ZMYM6: variants seen among roughly 807,000 people sequenced by gnomAD.
The protein encoded by ZMYM6 is zinc finger MYM-type containing 6, also known as zinc finger MYM-type protein 6.
ZMYM6 carries 90 observed loss-of-function variants against 134.0 expected under a neutral mutation model. The ratio of observed to expected loss-of-function variants is 0.67; its 90% CI spans 0.57 to 0.80. The LOEUF (loss-of-function observed/expected upper bound fraction) is 0.80, where lower values mean the gene tolerates loss of function less well. ZMYM6 is among the 30% of genes least tolerant of loss of function. ZMYM6 has a pLI of 0.00. For synonymous variants in ZMYM6, 481 were observed against 524.1 expected, an observed-to-expected ratio of 0.92 and a Z score of 1.12; for missense variants, 1,362 against 1,533.9, an observed-to-expected ratio of 0.89 and a Z score of 1.87.
Position 35,006,966 on chromosome 1 carries a change from G to T in ZMYM6, c.1798C>A (p.Leu600Ile). 1 of 1,610,200 alleles carries T rather than the reference G, an allele frequency of 6.2e-7. No homozygotes were observed. The highest frequency in any genetic ancestry group is 8.5e-7 in the Non-Finnish European group (1 of 1,178,654). ...TTAATTTTACCTTTATTTTGTGGAA[G>T]ACAGTCATTCATAATTTGCTGATGA... ...FCHQQIMNDC[L>I]PQNKVNISKA... Residue 600 changes from leucine to isoleucine, a missense_variant, in exon 12 of 16, where the codon CTT becomes ATT. This residue lies in a region of ZMYM6 where 824 missense variants were observed against 940.9 expected (regional missense o/e 0.88). Coordinates refer to ENST00000357182, the MANE Select transcript of ZMYM6 (RefSeq NM_007167.4).
rs1640593520 is a variant in ZMYM6 at position 34,987,335 on chromosome 1, T to C, written c.3747A>G (p.Lys1249=). Residue 1249 remains lysine (K), a synonymous_variant, in exon 16 of 16, where the codon AAA becomes AAG. Coordinates refer to ENST00000357182, the MANE Select transcript of ZMYM6 (RefSeq NM_007167.4). ...SSDLGLQALF[K]SVSVTQFWIN... is the part of the protein sequence containing the mutation. ...TCCAAAACTGAGTTACAGACACTGA[T>C]TTAAATAGTGCTTGTAATCCTAAAT... The C allele has an allele frequency of 1.2e-6, 2 of 1,613,580 alleles. No individual in the cohort carries two copies. The highest frequency in any genetic ancestry group is 1.7e-5 in the Admixed American group (1 of 59,928).
rs755027477 is a variant in ZMYM6 at position 35,019,476 on chromosome 1, C to T, written c.305G>A (p.Gly102Asp). The change falls in exon 4 of 16, where the codon GGC (glycine) becomes GAC (aspartate). Residue 102 changes from glycine (G) to aspartate (D), a missense_variant. By Grantham distance (94) the Gly-to-Asp change is moderately conservative. Around this residue, in one of 3 missense-constraint regions of ZMYM6, gnomAD observed 503 missense variants for 520.8 expected, o/e 0.97. Coordinates refer to ENST00000357182, the MANE Select transcript of ZMYM6 (RefSeq NM_007167.4). Reference sequence around the variant, plus strand: ...TCCTGTCTTATGATATGCAGTTTGGCCCTTATAAAGCATTTTTTTACAACC... The same window carrying T: ...TCCTGTCTTATGATATGCAGTTTGGTCCTTATAAAGCATTTTTTTACAACC... ...CSGCKKMLYK[G>D]QTAYHKTGST... 1.8e-5 allele frequency: 29 copies of T among 1,613,900 alleles called. No individual in the cohort carries two copies. Among genetic ancestry groups the T allele is most frequent in the African/African-American group, 2.7e-5 (2 of 74,808 alleles).
intron 2 of ZMYM6, among the ~76,000 whole-genome samples, chr1:35,025,498 A>T (rs1007799684): frequency 6.6e-6 from 1 of 151,664 alleles, no homozygotes; most frequent in African/African-American, 2.4e-5. Flanking sequence ...AGAAAGAAAA[A>T]AAAAAGGTGG....
rs1640576691 is a variant in ZMYM6, at chr1:34,986,279, C to A, written c.*825G>T. 1 of 152,192 alleles carries A rather than the reference C, an allele frequency of 6.6e-6. No homozygotes were observed. The highest frequency in any genetic ancestry group is 1.5e-5 in the Non-Finnish European group (1 of 68,022). 9.4% of individuals were successfully genotyped at this position (152,192 alleles called of 1,614,324 possible). ...TGAGTAGTTGTGACAGTATGGCCTG[C>A]AAAGCTGAAAATATTTACTATCTGG... On this transcript the variant is annotated 3_prime_UTR_variant, in exon 16 of 16. Transcript: ENST00000357182.
At chr1:35,024,645 G>A (rs61587349) in intron 2 of ZMYM6, among the ~76,000 whole-genome samples, 36,141 of 151,956 alleles carry the variant, frequency 0.24, 10,472 homozygotes, top group African/African-American at 0.69. Flanking sequence ...CCACTTTATT[G>A]TTGATACTCA....
In ZMYM6 at chr1:35,014,907, C is replaced by T. The variant is rs778692690; in HGVS notation, c.604-19G>A. 3.7e-6 allele frequency: 6 copies of T among 1,612,308 alleles called. No homozygotes were observed. The highest frequency in any genetic ancestry group is 1.7e-5 in the Admixed American group (1 of 59,368). On this transcript the variant is annotated intron_variant, in intron 5 of 15. Transcript: ENST00000357182. ...ATCGAGTCTAGGAAATAAACACACA[C>T]ATACACACACAAAATAAGCAGAGCC...
chr1:34,992,201 G>A (rs778514467), intron 15 of ZMYM6, 33 bp downstream of exon 15: 22 of 1,613,150 alleles, frequency 1.4e-5, no homozygotes, highest in African/African-American at 2.7e-5. Flanking sequence ...CAGAAAACAA[G>A]CTTTGTACAT....
chr1:35,015,101 C>T lies in ZMYM6; in HGVS notation c.490G>A (p.Asp164Asn). 1 of 1,613,820 alleles carries T rather than the reference C, an allele frequency of 6.2e-7. No individual in the cohort carries two copies. Among genetic ancestry groups the T allele is most frequent in the African/African-American group, 1.3e-5 (1 of 75,026 alleles). ...GACAAGCATGATTGGCTGCAGAAAT[C>T]TTTGCTAGGATAGGAATTCTCAAAG... is the stretch of plus-strand genomic sequence containing the variant. ...TRFENSYPSKDFCSQSCLSSY... is the reference protein window; with the variant it reads ...TRFENSYPSKNFCSQSCLSSY... The change falls in exon 5 of 16, where the codon GAT becomes AAT. Residue 164 changes from aspartate to asparagine, a missense_variant. By Grantham distance (23) the Asp-to-Asn change is conservative. This residue lies in a region of ZMYM6 where 503 missense variants were observed against 520.8 expected (regional missense o/e 0.97). Coordinates refer to ENST00000357182, the MANE Select transcript of ZMYM6 (RefSeq NM_007167.4).
At chr1:35,001,399 C>A (rs1569757164) in intron 14 of ZMYM6, among the ~76,000 whole-genome samples, 1 of 151,062 alleles carries the variant, frequency 6.6e-6, no homozygotes, top group Non-Finnish European at 1.5e-5. Flanking sequence ...TATAGAAATA[C>A]TCCACATAGG....
At chr1:35,003,114 C>T (rs568442475) in intron 14 of ZMYM6, among the ~76,000 whole-genome samples, 115 of 144,598 alleles carry the variant, frequency 8.0e-4, no homozygotes, top group African/African-American at 3.0e-3. Flanking sequence ...CCCAGAATTT[C>T]GAGGTTGAGT....
intron 15 of ZMYM6, 124 bp from the exon 16 acceptor site, chr1:34,989,059 G>A: frequency 6.8e-7 from 1 of 1,477,046 alleles, no homozygotes; most frequent in Non-Finnish European, 8.9e-7. Context: ...GAATGCACTG[G>A]TAAAAGTTTA....
At chr1:35,012,327 T>G in intron 7 of ZMYM6, 104 bp downstream of exon 7, 1 of 1,091,826 alleles carries the variant, frequency 9.2e-7, no homozygotes, top group South Asian at 2.3e-5. Context: ...GGGTTTTTAT[T>G]TAACTAAATA....
At chr1:35,012,073 G>GTTT in intron 7 of ZMYM6, 68 bp from the exon 8 acceptor site, 7 of 976,338 alleles carry the variant, frequency 7.2e-6, no homozygotes, top group Non-Finnish European at 1.0e-5. Context: ...AAAATGTATT[G>GTTT]GGAGAATGAA....
intron 7 of ZMYM6, 73 bp from the exon 8 acceptor site, chr1:35,012,078 AAT>A: frequency 1.1e-6 from 1 of 933,574 alleles, no homozygotes; most frequent in Middle Eastern, 2.4e-4. Context: ...GTATTGGGAG[AAT>A]GAAAAAATTA....
At chr1:35,028,272 C>T (rs947302492) in intron 2 of ZMYM6, among the ~76,000 whole-genome samples, 13 of 149,260 alleles carry the variant, frequency 8.7e-5, no homozygotes, top group African/African-American at 1.2e-4. Context: ...GCCAAGATCG[C>T]GCCACTGCAC....
chr1:35,010,874 G>C lies in ZMYM6; in HGVS notation c.1225C>G (p.Leu409Val). Residue 409 changes from leucine to valine, a missense_variant, in exon 9 of 16, where the codon CTC (leucine) becomes GTC (valine). Around this residue, in one of 3 missense-constraint regions of ZMYM6, gnomAD observed 503 missense variants for 520.8 expected, o/e 0.97. Transcript: ENST00000357182. ...SSIRGSAAAS[L>V]QPLAEQSQQV... ...TGGGATTGTTCAGCAAGAGGTTGGA[G>C]GCTGGCTGCAGCAGAGCCACGGATG... is the stretch of plus-strand genomic sequence containing the variant. 3.1e-6 allele frequency: 5 copies of C among 1,614,048 alleles called. No individual in the cohort carries two copies. The highest frequency in any genetic ancestry group is 4.2e-6 in the Non-Finnish European group (5 of 1,179,986).
At chr1:34,999,987 G>A (rs1371373899) in intron 14 of ZMYM6, among the ~76,000 whole-genome samples, 2 of 152,090 alleles carry the variant, frequency 1.3e-5, no homozygotes, top group African/African-American at 2.4e-5. Context: ...GTAGTGCAAT[G>A]GTGTGATCTC....
chr1:35,010,303 G>A (rs754766540), intron 10 of ZMYM6, 144 bp downstream of exon 10: 4 of 1,073,000 alleles, frequency 3.7e-6, no homozygotes, highest in Middle Eastern at 2.1e-4. Context: ...TTACAGGCGT[G>A]AGCCTCCATG....
intron 4 of ZMYM6, among the ~76,000 whole-genome samples, chr1:35,015,877 G>A (rs1280465539): frequency 1.3e-5 from 2 of 150,732 alleles, no homozygotes; most frequent in Non-Finnish European, 3.0e-5. Flanking sequence ...ACAAGACACT[G>A]GTTCTCTCAT....
Sources: gnomAD v4.1 joint callset for allele counts (sites outside exome capture counted in the v4.1 genomes callset) on GRCh38, gnomAD v4.1.1 for gene constraint, gnomAD v4.1.1 regional missense constraint, MANE v1.5 for transcripts, NCBI Gene and HGNC (gene_info 2026-07-23, HGNC 2026-07-21) for gene names.